Variants in PLEKHM2 observed in about 807,000 individuals in gnomAD.
The protein encoded by PLEKHM2 is pleckstrin homology domain-containing family M member 2.
Under a neutral mutation model 116.3 loss-of-function variants are expected in PLEKHM2, and 77 were observed. The observed-to-expected ratio is 0.66, with a 90% CI of 0.55 to 0.80. The LOEUF is 0.80. Ranked by LOEUF, PLEKHM2 falls within the 30% of genes least tolerant of loss-of-function variation. The pLI is 0.00. For synonymous variants in PLEKHM2, 562 were observed against 571.0 expected (o/e 0.98, Z 0.22); for missense variants, 1,183 against 1,354.9 (o/e 0.87, Z 1.99).
intron 1 of PLEKHM2, among the ~76,000 whole-genome samples, chr1:15,695,520 T>G (rs1054036741): frequency 3.3e-5 from 5 of 152,148 alleles, no homozygotes; most frequent in Non-Finnish European, 5.9e-5. Context: ...TTGGGTTTTT[T>G]GGGGTTTTTT....
rs535814122 is a variant in PLEKHM2, at chr1:15,720,507, C to T, written c.652+587C>T. 266 of 983,572 alleles carry T rather than the reference C, an allele frequency of 2.7e-4. 1 individual carries two copies. The African/African-American group carries it at 4.4e-3, about 16-fold the overall frequency. 60.9% of individuals were successfully genotyped at this position (983,572 alleles called of 1,614,324 possible). A position where few individuals can be genotyped will look rare whatever the true frequency, so the allele number is the denominator to read the frequency against. On this transcript the variant is annotated intron_variant, in intron 6 of 19. Transcript: ENST00000375799. Reference sequence around the variant, plus strand: ...CTGCAGGTCATTTTGTTGTCTTGACCCAATGATTTACTGGAACAGCCTGGT... The same window carrying T: ...CTGCAGGTCATTTTGTTGTCTTGACTCAATGATTTACTGGAACAGCCTGGT...
chr1:15,701,325 C>G (rs975138351), intron 1 of PLEKHM2, among the ~76,000 whole-genome samples: 1 of 150,576 alleles, frequency 6.6e-6, no homozygotes, highest in South Asian at 2.1e-4. Flanking sequence ...CCCAACTACT[C>G]GAGAGGCTGA....
intron 1 of PLEKHM2, among the ~76,000 whole-genome samples, chr1:15,710,020 C>T (rs749406956): frequency 2.6e-5 from 4 of 151,828 alleles, no homozygotes; most frequent in African/African-American, 9.7e-5. Flanking sequence ...GTCAGGATAT[C>T]GAGACCATCC....
In PLEKHM2 at chr1:15,716,284, G is replaced by A. The variant is rs758922916; in HGVS notation, c.108G>A (p.Arg36=). ...GTGAGGATGAGATCCCTGCCATCCGGAACCATGACAAGGTCCTACAGCGTC... is the reference window on the plus strand; with the variant it reads ...GTGAGGATGAGATCCCTGCCATCCGAAACCATGACAAGGTCCTACAGCGTC... ...AACEDEIPAI[R]NHDKVLQRLC... The change falls in exon 2 of 20, where the codon CGG becomes CGA. Residue 36 remains arginine, a synonymous_variant. Transcript: ENST00000375799. The A allele has an allele frequency of 6.2e-7, 1 of 1,608,036 alleles. No individual in the cohort carries two copies. Among genetic ancestry groups the A allele is most frequent in the Non-Finnish European group, 8.5e-7 (1 of 1,177,296 alleles).
rs924941043 is a variant in PLEKHM2 at position 15,719,964 on chromosome 1, CA to C, written c.652+45del. 4.0e-6 allele frequency: 6 copies of C among 1,496,426 alleles called. No individual in the cohort carries two copies. The African/African-American group carries it at 8.3e-5, about 21-fold the overall frequency. The allele number at this position is 1,496,426 out of a possible 1,614,324, so 92.7% of individuals were successfully genotyped here. A position where few individuals can be genotyped will look rare whatever the true frequency, so the allele number is the denominator to read the frequency against. On this transcript the variant is annotated intron_variant, in intron 6 of 19. Transcript: ENST00000375799. The surrounding 1 kb of genome is among the most constrained non-coding windows in gnomAD (Gnocchi z 4.1). ...GAAAAGCTAAGCCCCTGTTGTGAAA[CA>C]GACTTGAACTGCTTAAGCCTGGCTG...
At chr1:15,724,853 C>T (rs1291477059) in intron 7 of PLEKHM2, among the ~76,000 whole-genome samples, 1 of 152,164 alleles carries the variant, frequency 6.6e-6, no homozygotes, top group Non-Finnish European at 1.5e-5. Flanking sequence ...CACCTCTCAG[C>T]CCTACAAGTG....
rs2067997025 is a variant in PLEKHM2, at chr1:15,721,480, TATA to T, written c.712+99_712+101del. The T allele has an allele frequency of 1.9e-5, 14 of 737,920 alleles. No homozygotes were observed. The South Asian group carries it at 2.1e-4, about 11-fold the overall frequency. 45.7% of individuals were successfully genotyped at this position (737,920 alleles called of 1,614,324 possible). On this transcript the variant is annotated intron_variant, in intron 7 of 19. Transcript: ENST00000375799. The surrounding 1 kb of genome is among the most constrained non-coding windows in gnomAD (Gnocchi z 5.1). ...TGTATCAAATCAGCTCCTTATTATT[TATA>T]ATAATATCCATAATCATAATAAAGC...
intron 1 of PLEKHM2, among the ~76,000 whole-genome samples, chr1:15,698,873 G>A (rs555421381): frequency 2.6e-5 from 4 of 152,254 alleles, no homozygotes; most frequent in Admixed American, 2.6e-4. Context: ...AGAGCAACTA[G>A]CCTCATTGTT....
intron 1 of PLEKHM2, among the ~76,000 whole-genome samples, chr1:15,687,120 G>A (rs887441026): frequency 1.9e-4 from 29 of 151,542 alleles, no homozygotes; most frequent in Admixed American, 1.9e-3. Flanking sequence ...ATGGGATTTC[G>A]CCCATATTGG....
At position 15,729,043 on chromosome 1, in the gene PLEKHM2, C is replaced by T. The variant is rs1298795064; in HGVS notation, c.1987-59C>T. 2.0e-6 allele frequency: 3 copies of T among 1,485,016 alleles called. No individual in the cohort carries two copies. Among genetic ancestry groups the T allele is most frequent in the Admixed American group, 1.9e-5 (1 of 51,592 alleles). The allele number at this position is 1,485,016 out of a possible 1,614,324, so 92.0% of individuals were successfully genotyped here. On this transcript the variant is annotated intron_variant, in intron 12 of 19. Transcript: ENST00000375799. This position sits in a 1 kb window ranked among gnomAD's most constrained non-coding sequence, Gnocchi z 4.7. ...GCAAGCGCTCAGCCTGGCCAAGCTG[C>T]CTTCTCCGCCAGGCAGCAGCTAAGC...
At position 15,731,218 on chromosome 1, in the gene PLEKHM2, A is replaced by G. The variant is rs1416083656; in HGVS notation, c.2426A>G (p.Asp809Gly). 1.3e-6 allele frequency: 2 copies of G among 1,597,710 alleles called. No homozygotes were observed. The highest frequency in any genetic ancestry group is 1.7e-6 in the Non-Finnish European group (2 of 1,172,410). The change falls in exon 16 of 20, where the codon GAC (aspartate) becomes GGC (glycine). Residue 809 changes from aspartate to glycine, a missense_variant. Asp to Gly is a moderately conservative substitution (Grantham distance 94). This residue lies in a region of PLEKHM2 where 594 missense variants were observed against 720.1 expected (regional missense o/e 0.82). Transcript: ENST00000375799. Reference protein sequence around the residue: ...LSNGILYQYPDRTDVIPLLSV... With the variant: ...LSNGILYQYPGRTDVIPLLSV... ...AACGGGATCCTCTACCAGTACCCGG[A>G]CCGCACCGACGTCATCCCTCTGCTC...
At chr1:15,711,748 G>C (rs996941669) in intron 1 of PLEKHM2, among the ~76,000 whole-genome samples, 3 of 152,146 alleles carry the variant, frequency 2.0e-5, no homozygotes, top group Non-Finnish European at 4.4e-5. Context: ...GCAAAAAAAT[G>C]ACAAGTGAAG....
intron 4 of PLEKHM2, among the ~76,000 whole-genome samples, chr1:15,718,211 C>G (rs1292170838): frequency 6.6e-6 from 1 of 152,244 alleles, no homozygotes; most frequent in Non-Finnish European, 1.5e-5. Context: ...GGTCCTCCTC[C>G]CAGGCTTCAG....
In PLEKHM2 at chr1:15,733,791, A is replaced by G. The variant is rs2068183321; in HGVS notation, c.2923-6A>G. The G allele has an allele frequency of 6.2e-7, 1 of 1,612,524 alleles. No homozygotes were observed. Among genetic ancestry groups the G allele is most frequent in the South Asian group, 1.1e-5 (1 of 91,046 alleles). ...CCTCATCTGTTCTCTGCACGCCCCAACACAGGTGGACCTCCCCCACACGGC... is the reference window on the plus strand; with the variant it reads ...CCTCATCTGTTCTCTGCACGCCCCAGCACAGGTGGACCTCCCCCACACGGC... On this transcript the variant is annotated splice_region_variant and splice_polypyrimidine_tract_variant and intron_variant, in intron 19 of 19. Coordinates refer to ENST00000375799, the MANE Select transcript of PLEKHM2 (RefSeq NM_015164.4).
upstream of PLEKHM2, chr1:15,681,554 G>T (rs1392128699): frequency 2.1e-6 from 1 of 478,062 alleles, no homozygotes; most frequent in Admixed American, 2.2e-5. Flanking sequence ...CAACAGCAGA[G>T]AAGAATCCCA....
intron 19 of PLEKHM2, among the ~76,000 whole-genome samples, 156 bp downstream of exon 19, chr1:15,732,884 G>T (rs1030096927): frequency 2.6e-4 from 39 of 152,326 alleles, no homozygotes; most frequent in African/African-American, 8.7e-4. Flanking sequence ...AGCCCCGGGG[G>T]TGAGTGCCTG....
At chr1:15,684,966 G>T (rs1640738335) in intron 1 of PLEKHM2, among the ~76,000 whole-genome samples, 1 of 152,088 alleles carries the variant, frequency 6.6e-6, no homozygotes, top group African/African-American at 2.4e-5. Context: ...GCCTCCTGTG[G>T]AATCCGCTGC....
At chr1:15,711,293 C>A (rs941199146) in intron 1 of PLEKHM2, among the ~76,000 whole-genome samples, 1 of 151,912 alleles carries the variant, frequency 6.6e-6, no homozygotes, top group Non-Finnish European at 1.5e-5. Flanking sequence ...AAACCAAAAT[C>A]AAATTGTCCT....
At chr1:15,709,933 A>C (rs1437819965) in intron 1 of PLEKHM2, among the ~76,000 whole-genome samples, 1 of 152,146 alleles carries the variant, frequency 6.6e-6, no homozygotes. Context: ...ATTCAGTATA[A>C]TTCTAGTACA....
Sources: gnomAD v4.1 joint callset for allele counts (sites outside exome capture counted in the v4.1 genomes callset) on GRCh38, gnomAD v4.1.1 for gene constraint, gnomAD v4.1.1 regional missense constraint, Gnocchi (gnomAD v3.1) non-coding constraint, MANE v1.5 for transcripts, NCBI Gene and HGNC (gene_info 2026-07-23, HGNC 2026-07-21) for gene names.